KLC3: variants seen among roughly 807,000 people sequenced by gnomAD.
KLC3 encodes the protein kinesin light chain 2.
KLC3 carries 72 observed loss-of-function variants against 62.9 expected under a neutral mutation model. The observed-to-expected ratio is 1.15, with a 90% confidence interval of 0.95 to 1.39. The LOEUF (loss-of-function observed/expected upper bound fraction) is 1.39, where lower values mean the gene tolerates loss of function less well. KLC3 is among the 40% of genes most tolerant of loss of function. KLC3 has a pLI of 0.00. For synonymous variants in KLC3, 377 were observed against 300.5 expected, an observed-to-expected ratio of 1.25 and a Z score of -2.63; for missense variants, 848 against 691.6, an observed-to-expected ratio of 1.23 and a Z score of -2.54.
In KLC3 at chr19:45,348,888, CCT is replaced by C. The variant is rs746917354; in HGVS notation, c.937_938del (p.Leu313ValfsTer15). 9.4e-5 allele frequency: 149 copies of C among 1,587,778 alleles called. No individual in the cohort carries two copies. Among genetic ancestry groups the C allele is most frequent in the Non-Finnish European group, 1.2e-4 (140 of 1,167,578 alleles). On this transcript the variant is annotated frameshift_variant, in exon 7 of 13. Coordinates refer to ENST00000391946, the MANE Select transcript of KLC3 (RefSeq NM_177417.3). LOFTEE classifies it high-confidence loss of function. ...KRGRYREAEP[L>X]CQRALEIREK... ...GTGGGCGTTACCGGGAGGCAGAGCC[CCT>C]GTGCCAGCGCGCTTTGGAGATCCGA...
At chr19:45,347,542 G>C in intron 4 of KLC3, 26 bp downstream of exon 4, 1 of 1,585,002 alleles carries the variant, frequency 6.3e-7, no homozygotes, top group Non-Finnish European at 8.6e-7. Context: ...ACATGCCACA[G>C]AGGATGGCAG....
At chr19:45,348,580 G>GCCCCTGTGGCTGCAGCTGCCCCAA (rs1971568766) in intron 5 of KLC3, 66 bp from the exon 6 acceptor site, 38 of 1,482,276 alleles carry the variant, frequency 2.6e-5, no homozygotes, top group Non-Finnish European at 3.4e-5. Flanking sequence ...GATTGGCCCA[G>GCCCCTGTGGCTGCAGCTGCCCCAA]CCCCTGTGGC....
At chr19:45,349,732 G>A (rs1429400970) in intron 8 of KLC3, 130 bp downstream of exon 8, 2 of 899,520 alleles carry the variant, frequency 2.2e-6, no homozygotes, top group African/African-American at 1.7e-5. Flanking sequence ...CTTGGAGCAA[G>A]TGTCAGACAC....
intron 8 of KLC3, 102 bp downstream of exon 8, chr19:45,349,704 G>GGCCCCCCC: frequency 1.2e-6 from 1 of 815,780 alleles, no homozygotes. Context: ...GGTGGGGGGG[G>GGCCCCCCC]GCCCCCCAGG....
intron 1 of KLC3, among the ~76,000 whole-genome samples, chr19:45,341,721 C>T (rs546319993): frequency 5.9e-4 from 87 of 146,368 alleles, no homozygotes; most frequent in African/African-American, 2.0e-3. Flanking sequence ...GGACGGTGCG[C>T]GTGGAACCTT....
At chr19:45,346,855 C>CA in intron 3 of KLC3, 81 bp downstream of exon 3, 2 of 1,305,062 alleles carry the variant, frequency 1.5e-6, no homozygotes, top group Non-Finnish European at 2.1e-6. Context: ...TAGAATCCCA[C>CA]AGTCCCCAAG....
chr19:45,340,893 TGGG>T (rs1016525851), intron 1 of KLC3, 47 bp downstream of exon 1: 1 of 151,724 alleles, frequency 6.6e-6, no homozygotes, highest in Non-Finnish European at 1.5e-5. Context: ...GCCGCGATGA[TGGG>T]GGGCGGGGGC....
At chr19:45,342,889 C>A (rs1971420633) in intron 1 of KLC3, among the ~76,000 whole-genome samples, 2 of 152,066 alleles carry the variant, frequency 1.3e-5, no homozygotes, top group African/African-American at 4.8e-5. Context: ...CGTACAGGAC[C>A]CTTACTGTAT....
At chr19:45,348,457 T>TG (rs1034539869) in intron 5 of KLC3, among the ~76,000 whole-genome samples, 189 bp from the exon 6 acceptor site, 10 of 151,968 alleles carry the variant, frequency 6.6e-5, no homozygotes, top group Admixed American at 2.6e-4. Context: ...GGCAGAGGTC[T>TG]GGGGGTACAG....
In KLC3 at chr19:45,351,448, C is replaced by G. The variant is rs1048488855; in HGVS notation, c.*91C>G. 6 of 1,582,468 alleles carry G rather than the reference C, an allele frequency of 3.8e-6. No homozygotes were observed. The highest frequency in any genetic ancestry group is 1.3e-5 in the African/African-American group (1 of 74,606). ...GAGAGGGGGTCTATCATCTCCTGGC[C>G]CCCCCTTGCCTCTGGGTACCTGGTG... is the stretch of plus-strand genomic sequence containing the variant. On this transcript the variant is annotated 3_prime_UTR_variant, in exon 13 of 13. Transcript: ENST00000391946.
At chr19:45,346,993 C>G (rs927736895) in intron 3 of KLC3, 3 of 521,082 alleles carry the variant, frequency 5.8e-6, no homozygotes, top group Non-Finnish European at 1.0e-5. Context: ...ACGAAGCCCC[C>G]GAGCCTCGCC....
rs925007065 is a variant in KLC3 at position 45,351,406 on chromosome 19, G to A, written c.*49G>A. 1 of 1,599,046 alleles carries A rather than the reference G, an allele frequency of 6.3e-7. No individual in the cohort carries two copies. Among genetic ancestry groups the A allele is most frequent in the Non-Finnish European group, 8.5e-7 (1 of 1,175,642 alleles). The stretch of plus-strand genomic sequence containing the variant: ...CAGCTTCTTGGGAACAGTGCAGGAG[G>A]GATGGGCTGGTGGGGTGAGAGGGGG... On this transcript the variant is annotated 3_prime_UTR_variant, in exon 13 of 13. Transcript: ENST00000391946.
At chr19:45,344,178 T>TGTGG (rs55956241) in intron 1 of KLC3, among the ~76,000 whole-genome samples, 2 of 149,122 alleles carry the variant, frequency 1.3e-5, no homozygotes, top group Non-Finnish European at 3.0e-5. Flanking sequence ...TGTGTGTGTG[T>TGTGG]AACTGTATTT....
intron 4 of KLC3, 69 bp from the exon 5 acceptor site, chr19:45,347,872 T>C (rs1449145380): frequency 7.7e-7 from 1 of 1,291,274 alleles, no homozygotes; most frequent in Non-Finnish European, 1.1e-6. Context: ...CTGAGGCACG[T>C]GTCCCCTCAT....
chr19:45,349,052 GC>G (rs1244762929), intron 7 of KLC3, 131 bp downstream of exon 7: 3 of 785,798 alleles, frequency 3.8e-6, no homozygotes, highest in Non-Finnish European at 6.1e-6. Flanking sequence ...CCCAGTTGGA[GC>G]CTAGATCACC....
At chr19:45,351,253 TCCC>T in intron 12 of KLC3, 30 bp from the exon 13 acceptor site, 1 of 1,600,272 alleles carries the variant, frequency 6.2e-7, no homozygotes, top group African/African-American at 1.3e-5. Context: ...GCCCCTCACC[TCCC>T]CTCCAACCAT....
intron 2 of KLC3, 60 bp from the exon 3 acceptor site, chr19:45,346,484 G>T: frequency 7.1e-7 from 1 of 1,417,790 alleles, no homozygotes. Context: ...CCTGGGCTGG[G>T]TCAGGGGCCG....
chr19:45,348,703 G>C lies in KLC3; in HGVS notation c.837G>C (p.Arg279=). The C allele has an allele frequency of 3.8e-6, 6 of 1,596,230 alleles. No homozygotes were observed. Among genetic ancestry groups the C allele is most frequent in the Non-Finnish European group, 4.3e-6 (5 of 1,171,758 alleles). The change falls in exon 6 of 13, where the codon CGG becomes CGC. Residue 279 remains arginine (R), a synonymous_variant. Transcript: ENST00000391946. ...TDLLHDALQI[R]EQTLGPEHPA... ...TTCTCCATGATGCCCTGCAGATCCG[G>C]GAGCAGACGCTGGGCCCTGAGCACC...
Position 45,351,120 on chromosome 19 carries a change from T to G in KLC3, c.1443+103T>G, listed in dbSNP as rs1405914799. 1.1e-5 allele frequency: 17 copies of G among 1,605,640 alleles called. No homozygotes were observed. The African/African-American group carries it at 2.0e-4, about 19-fold the overall frequency. On this transcript the variant is annotated intron_variant, in intron 12 of 12. Coordinates refer to ENST00000391946, the MANE Select transcript of KLC3 (RefSeq NM_177417.3). ...GGCCAGTGGTGGAGTCAGCAGGTGG[T>G]GGGTTGGTGTCAGAAGAGACCCAGG... is the stretch of plus-strand genomic sequence containing the variant.
Sources: gnomAD v4.1 joint callset for allele counts (sites outside exome capture counted in the v4.1 genomes callset) on GRCh38, gnomAD v4.1.1 for gene constraint, MANE v1.5 for transcripts, NCBI Gene and HGNC (gene_info 2026-07-23, HGNC 2026-07-21) for gene names.